Variants in DOCK3 observed in about 807,000 individuals in gnomAD.
The protein encoded by DOCK3 is dedicator of cytokinesis protein 3.
DOCK3 carries 60 observed loss-of-function variants against 265.6 expected under a neutral mutation model. That is an observed-to-expected ratio of 0.23 (90% confidence interval 0.18 to 0.28). The LOEUF is 0.28. DOCK3 is among the 10% of genes least tolerant of loss of function. The pLI, the probability that DOCK3 is intolerant of heterozygous loss-of-function variation, is 1.00. For missense variants in DOCK3, 1,981 were observed against 2,594.3 expected (o/e 0.76, Z 5.14); for synonymous variants, 881 against 938.0 (o/e 0.94, Z 1.11).
At chr3:51,056,602 G>GA (rs1411288670) in intron 5 of DOCK3, among the ~76,000 whole-genome samples, 23 of 152,266 alleles carry the variant, frequency 1.5e-4, no homozygotes, top group African/African-American at 5.3e-4. Context: ...CTGTAGTCTA[G>GA]AAATCTTTTC....
At chr3:51,295,447 T>A (rs918625108) in intron 27 of DOCK3, among the ~76,000 whole-genome samples, 2 of 152,144 alleles carry the variant, frequency 1.3e-5, no homozygotes, top group Non-Finnish European at 2.9e-5. Context: ...CCCAAACACC[T>A]CCCATTATGT....
At chr3:51,275,040 C>T (rs111465807) in intron 24 of DOCK3, 39 bp from the exon 25 acceptor site, 1 of 1,613,684 alleles carries the variant, frequency 6.2e-7, no homozygotes, top group Non-Finnish European at 8.5e-7. Context: ...AGCTAGTTCT[C>T]CTCTAAAGTT....
At chr3:50,809,789 G>A (rs1355652922) in intron 2 of DOCK3, among the ~76,000 whole-genome samples, 3 of 152,182 alleles carry the variant, frequency 2.0e-5, no homozygotes, top group African/African-American at 4.8e-5. Flanking sequence ...AGCCAGATAT[G>A]AGAATTAGTG....
intron 9 of DOCK3, among the ~76,000 whole-genome samples, chr3:51,129,903 C>A (rs1365757371): frequency 6.6e-6 from 1 of 152,194 alleles, no homozygotes; most frequent in Admixed American, 6.5e-5. Flanking sequence ...CTGTTCTGGA[C>A]CCCACTCAAA....
At chr3:51,001,977 T>G (rs550660210) in intron 5 of DOCK3, among the ~76,000 whole-genome samples, 1 of 152,126 alleles carries the variant, frequency 6.6e-6, no homozygotes, top group South Asian at 2.1e-4. Flanking sequence ...GCAGTGGTAT[T>G]GGTATTTTTA....
intron 32 of DOCK3, among the ~76,000 whole-genome samples, chr3:51,325,248 A>G (rs2084021384): frequency 1.3e-5 from 2 of 152,368 alleles, no homozygotes; most frequent in South Asian, 4.1e-4. Flanking sequence ...AAGGTGAGCA[A>G]AGAAGATGAA....
At chr3:50,868,130 A>G (rs529223519) in intron 3 of DOCK3, among the ~76,000 whole-genome samples, 5 of 151,286 alleles carry the variant, frequency 3.3e-5, no homozygotes, top group South Asian at 2.1e-4. Context: ...CTGGAGTGCA[A>G]TGGCACAATC....
intron 4 of DOCK3, chr3:50,900,867 C>T: frequency 9.5e-6 from 4 of 419,124 alleles, no homozygotes; most frequent in South Asian, 7.0e-5. Flanking sequence ...AGAGGGGCAC[C>T]CACCAGATGC....
chr3:51,220,709 G>GTGTGTA (rs1208536854), intron 14 of DOCK3, among the ~76,000 whole-genome samples: 14 of 132,376 alleles, frequency 1.1e-4, no homozygotes, highest in African/African-American at 3.9e-4. Flanking sequence ...GTGTGTGTGT[G>GTGTGTA]TATATATATA....
intron 5 of DOCK3, among the ~76,000 whole-genome samples, chr3:50,978,921 G>A (rs563870776): frequency 4.6e-5 from 7 of 152,274 alleles, no homozygotes; most frequent in East Asian, 1.9e-4. Context: ...GGTGCTGTCC[G>A]TCACCCCTTT....
intron 12 of DOCK3, among the ~76,000 whole-genome samples, chr3:51,164,756 C>A (rs1307211550): frequency 6.6e-6 from 1 of 151,876 alleles, no homozygotes; most frequent in Non-Finnish European, 1.5e-5. Flanking sequence ...AAATAAACTT[C>A]TTTTAATTAA....
Position 50,778,705 on chromosome 3 carries a change from A to G in DOCK3, c.68A>G (p.Gln23Arg). 2 of 1,589,556 alleles carry G rather than the reference A, an allele frequency of 1.3e-6. No homozygotes were observed. Among genetic ancestry groups the G allele is most frequent in the South Asian group, 1.2e-5 (1 of 86,798 alleles). Residue 23 changes from glutamine (Q) to arginine (R), a missense_variant, in exon 2 of 53, where the codon CAA becomes CGA. Around this residue, in one of 4 missense-constraint regions of DOCK3, gnomAD observed 456 missense variants for 539.0 expected, o/e 0.85. Coordinates refer to ENST00000266037, the MANE Select transcript of DOCK3 (RefSeq NM_004947.5). ...TGCAGCTTTCGAGGATCTGTCCCTCAAGGGTTGGTCTTAGAAATAGGAGAA... is the reference window on the plus strand; with the variant it reads ...TGCAGCTTTCGAGGATCTGTCCCTCGAGGGTTGGTCTTAGAAATAGGAGAA... ...VICSFRGSVP[Q>R]GLVLEIGETV...
chr3:51,042,392 G>A (rs2080569513), intron 5 of DOCK3, among the ~76,000 whole-genome samples: 1 of 152,164 alleles, frequency 6.6e-6, no homozygotes, highest in Non-Finnish European at 1.5e-5. Context: ...ATCCCTTCAT[G>A]TTAAAAACTG....
intron 9 of DOCK3, among the ~76,000 whole-genome samples, chr3:51,091,932 G>A (rs1395463821): frequency 6.6e-6 from 1 of 152,058 alleles, no homozygotes; most frequent in Non-Finnish European, 1.5e-5. Context: ...CTACCCAAGG[G>A]GAGCCATGAG....
chr3:51,121,960 A>G (rs1357775597), intron 9 of DOCK3, among the ~76,000 whole-genome samples: 1 of 152,194 alleles, frequency 6.6e-6, no homozygotes, highest in Non-Finnish European at 1.5e-5. Context: ...GGAAATCAGA[A>G]GCTTTTAAGA....
At chr3:51,080,609 C>T (rs1175982782) in intron 7 of DOCK3, among the ~76,000 whole-genome samples, 1 of 152,176 alleles carries the variant, frequency 6.6e-6, no homozygotes, top group Admixed American at 6.5e-5. Context: ...AAATCATTCT[C>T]TCAAAATTTA....
intron 5 of DOCK3, among the ~76,000 whole-genome samples, chr3:50,952,076 A>G (rs533002643): frequency 3.9e-5 from 6 of 152,176 alleles, no homozygotes; most frequent in Non-Finnish European, 7.3e-5. Flanking sequence ...GCCCCAGTGG[A>G]GTTGCATGTC....
intron 22 of DOCK3, among the ~76,000 whole-genome samples, chr3:51,258,212 CA>C (rs749789694): frequency 6.6e-6 from 1 of 152,098 alleles, no homozygotes; most frequent in South Asian, 2.1e-4. Flanking sequence ...AAAAACCAAA[CA>C]AAAAAACTTT....
intron 1 of DOCK3, among the ~76,000 whole-genome samples, chr3:50,762,056 T>C (rs1314759164): frequency 6.6e-6 from 1 of 151,542 alleles, no homozygotes; most frequent in Non-Finnish European, 1.5e-5. Flanking sequence ...AATTGAACAA[T>C]GAGAACACTT....
Sources: gnomAD v4.1 joint callset for allele counts (sites outside exome capture counted in the v4.1 genomes callset) on GRCh38, gnomAD v4.1.1 for gene constraint, gnomAD v4.1.1 regional missense constraint, MANE v1.5 for transcripts, NCBI Gene and HGNC (gene_info 2026-07-23, HGNC 2026-07-21) for gene names.